NTN5: variants seen among roughly 807,000 people sequenced by gnomAD.
The protein encoded by NTN5 is netrin-5.
Under a neutral mutation model 38.7 loss-of-function variants are expected in NTN5, and 42 were observed. The observed-to-expected ratio is 1.08, with a 90% CI of 0.85 to 1.40. NTN5 has a LOEUF of 1.40. NTN5 is among the 40% of genes most tolerant of loss of function. The pLI is 0.00. For synonymous variants in NTN5, 329 were observed against 303.9 expected (o/e 1.08, Z -0.86); for missense variants, 658 against 716.5 (o/e 0.92, Z 0.93).
Position 48,666,810 on chromosome 19 carries a change from G to A in NTN5, c.632-2043C>T, listed in dbSNP as rs149691020. 3.4e-3 allele frequency among the ~76,000 whole-genome samples: 507 copies of A among 147,862 alleles called. 5 individuals are homozygous for A. The highest frequency in any genetic ancestry group is 0.012 in the African/African-American group (482 of 40,174). ...GGGATCTTCCCACCTCAGCCTCCTC[G>A]GTAGCTGGGTCCACAGGCATGCACC... is the stretch of plus-strand genomic sequence containing the variant. On this transcript the variant is annotated intron_variant, in intron 2 of 6. Transcript: ENST00000270235.
At chr19:48,672,488 T>C (rs916305104) in intron 1 of NTN5, among the ~76,000 whole-genome samples, 8 of 152,168 alleles carry the variant, frequency 5.3e-5, no homozygotes, top group African/African-American at 1.7e-4. Flanking sequence ...CCCACTGCTG[T>C]TGGCCACATG....
chr19:48,663,142 A>G (rs878962837), intron 6 of NTN5: 22 of 489,838 alleles, frequency 4.5e-5, no homozygotes, highest in South Asian at 3.4e-4. Context: ...GATAGGGAGG[A>G]CAGGGCAAGA....
chr19:48,662,113 TCA>T, intron 6 of NTN5, 72 bp from the exon 7 acceptor site: 1 of 1,328,936 alleles, frequency 7.5e-7, no homozygotes, highest in Non-Finnish European at 9.6e-7. Context: ...GTGGGGTCAG[TCA>T]CAGTGGGCAG....
rs992422455 is a variant in NTN5 at position 48,663,602 on chromosome 19, C to A, written c.1025-59G>T. The A allele has an allele frequency of 1.2e-4, 192 of 1,561,436 alleles. 1 individual carries two copies. The East Asian group carries it at 4.2e-3, about 34-fold the overall frequency. On this transcript the variant is annotated intron_variant, in intron 5 of 6. Coordinates refer to ENST00000270235, the MANE Select transcript of NTN5 (RefSeq NM_145807.4). ...TGGGGCCTAGACCACAGCCTTCTGC[C>A]CCTGCCCATCCCTCCGTTCCATCTT...
chr19:48,667,332 T>C, intron 2 of NTN5: 1 of 346,560 alleles, frequency 2.9e-6, no homozygotes, highest in Non-Finnish European at 6.0e-6. Flanking sequence ...TGCAGCATTG[T>C]CAGTCTCTTA....
chr19:48,665,638 T>C (rs994798996), intron 2 of NTN5, among the ~76,000 whole-genome samples: 1 of 151,856 alleles, frequency 6.6e-6, no homozygotes, highest in East Asian at 1.9e-4. Flanking sequence ...CTGGCCAGCG[T>C]GGTGAAACCG....
At position 48,661,955 on chromosome 19, in the gene NTN5, G is replaced by T. The variant is rs1463145871; in HGVS notation, c.1192C>A (p.Arg398=). ...AVRVLAVYKQ[R]AQPVRRGDQD... ...TCGCCGCGTCGCACGGGCTGCGCCC[G>T]CTGCTTGTAAACGGCCAGCACGCGC... Residue 398 remains arginine (R), a synonymous_variant, in exon 7 of 7, where the codon CGG becomes AGG. Transcript: ENST00000270235. 6.9e-7 allele frequency: 1 copy of T among 1,447,600 alleles called. No homozygotes were observed. Among genetic ancestry groups the T allele is most frequent in the East Asian group, 3.1e-5 (1 of 32,160 alleles). 89.7% of individuals were successfully genotyped at this position (1,447,600 alleles called of 1,614,324 possible). A position where few individuals can be genotyped will look rare whatever the true frequency, so the allele number is the denominator to read the frequency against.
At chr19:48,669,804 CCAT>C (rs1406421496) in intron 2 of NTN5, among the ~76,000 whole-genome samples, 2 of 86,274 alleles carry the variant, frequency 2.3e-5, no homozygotes, top group South Asian at 4.2e-4. Flanking sequence ...ACCATCACCA[CCAT>C]CATCACCATC....
intron 2 of NTN5, chr19:48,667,378 G>A (rs1252211365): frequency 2.4e-6 from 1 of 425,524 alleles, no homozygotes; most frequent in Non-Finnish European, 4.7e-6. Flanking sequence ...CTCAGTCTGG[G>A]GGGATGTGGT....
Position 48,666,629 on chromosome 19 carries a change from G to A in NTN5, c.632-1862C>T, listed in dbSNP as rs531835950. On this transcript the variant is annotated intron_variant, in intron 2 of 6. Transcript: ENST00000270235. ...ATGGGCCCAAGGATCTGTATTTCCA[G>A]CAAGCACTGCAGAGTGAGATGCTGA... Among the ~76,000 whole-genome samples, 5 of 149,266 alleles carry A rather than the reference G, an allele frequency of 3.3e-5. No individual in the cohort carries two copies. The East Asian group carries it at 9.9e-4, about 30-fold the overall frequency.
At chr19:48,671,307 G>T (rs1442033063) in intron 1 of NTN5, among the ~76,000 whole-genome samples, 1 of 151,814 alleles carries the variant, frequency 6.6e-6, no homozygotes, top group Non-Finnish European at 1.5e-5. Flanking sequence ...TGGAGCAGAG[G>T]GGCTGGCCAA....
At chr19:48,663,326 A>C (rs950300837) in intron 6 of NTN5, 137 bp downstream of exon 6, 13 of 823,878 alleles carry the variant, frequency 1.6e-5, no homozygotes, top group Non-Finnish European at 2.8e-5. Context: ...ATCAATTTCT[A>C]GATCAGGAAG....
At chr19:48,667,890 C>A (rs2031746401) in intron 2 of NTN5, among the ~76,000 whole-genome samples, 1 of 150,702 alleles carries the variant, frequency 6.6e-6, no homozygotes, top group Non-Finnish European at 1.5e-5. Context: ...GGCCGGGAGG[C>A]AAAGCGCATG....
At chr19:48,671,474 G>C (rs1013567703) in intron 1 of NTN5, among the ~76,000 whole-genome samples, 1 of 152,074 alleles carries the variant, frequency 6.6e-6, no homozygotes, top group Non-Finnish European at 1.5e-5. Context: ...GCTCGGCACA[G>C]AGAAGTTGCT....
intron 2 of NTN5, chr19:48,667,473 A>G: frequency 3.6e-6 from 1 of 276,766 alleles, no homozygotes; most frequent in East Asian, 1.4e-4. Flanking sequence ...GGTGAGTCTC[A>G]CCCCTCACTC....
chr19:48,669,513 TCAC>T (rs1208660418), intron 2 of NTN5, among the ~76,000 whole-genome samples: 3 of 25,992 alleles, frequency 1.2e-4, no homozygotes, highest in African/African-American at 3.0e-4. Flanking sequence ...ACGACCATCA[TCAC>T]CACCACCACC....
chr19:48,669,008 T>TATCACCATC (rs2031780285), intron 2 of NTN5, among the ~76,000 whole-genome samples: 1 of 72,602 alleles, frequency 1.4e-5, no homozygotes, highest in East Asian at 5.3e-4. Flanking sequence ...TCATCACCAC[T>TATCACCATC]ATCACCACCA....
Position 48,664,717 on chromosome 19 carries a change from A to T in NTN5, c.682T>A (p.Phe228Ile). Residue 228 changes from phenylalanine to isoleucine, a missense_variant, in exon 3 of 7, where the codon TTC (phenylalanine) becomes ATC (isoleucine). Transcript: ENST00000270235. Reference protein sequence around the residue: ...ARRCRFNSELFRLSGGRSGGV... With the variant: ...ARRCRFNSELIRLSGGRSGGV... ...CCACTCCGGCCGCCCGACAGTCTGA[A>T]CAGCTCAGAGTTGAACCGGCAGCGT... 6.2e-7 allele frequency: 1 copy of T among 1,602,430 alleles called. No homozygotes were observed. Among genetic ancestry groups the T allele is most frequent in the Middle Eastern group, 1.7e-4 (1 of 6,046 alleles).
rs1487219425 is a variant in NTN5 at position 48,661,567 on chromosome 19, G to C, written c.*110C>G. On this transcript the variant is annotated 3_prime_UTR_variant, in exon 7 of 7. Coordinates refer to ENST00000270235, the MANE Select transcript of NTN5 (RefSeq NM_145807.4). ...TGGGCGCAAGCATAGTGTCGTCGGGGCTCTGCGACGTCTGATTGGCTCTCT... is the reference window on the plus strand; with the variant it reads ...TGGGCGCAAGCATAGTGTCGTCGGGCCTCTGCGACGTCTGATTGGCTCTCT... 2.2e-5 allele frequency: 28 copies of C among 1,255,794 alleles called. No homozygotes were observed. The highest frequency in any genetic ancestry group is 2.8e-5 in the Non-Finnish European group (27 of 976,644). 77.8% of individuals were successfully genotyped at this position (1,255,794 alleles called of 1,614,324 possible).
Sources: allele counts gnomAD v4.1 joint callset (sites outside exome capture counted in the v4.1 genomes callset), GRCh38; gene constraint gnomAD v4.1.1; transcripts MANE v1.5; gene names NCBI Gene and HGNC (gene_info 2026-07-23, HGNC 2026-07-21).